The following DLG2 variants were observed in gnomAD, a reference collection of about 807,000 sequenced individuals.
DLG2 encodes the protein discs large MAGUK scaffold protein 2.
Under a neutral mutation model 132.5 loss-of-function variants are expected in DLG2, and 45 were observed. That is an observed-to-expected ratio of 0.34 (90% CI 0.27 to 0.44). The LOEUF is 0.44. Among genes scored for constraint, DLG2 ranks in the 20% least tolerant of loss-of-function variants. The pLI is 1.00. For synonymous variants in DLG2, 424 were observed against 419.6 expected (o/e 1.01, Z -0.13); for missense variants, 1,045 against 1,196.9 (o/e 0.87, Z 1.87).
At chr11:84,728,284 G>C (rs1277373488) in intron 6 of DLG2, among the ~76,000 whole-genome samples, 3 of 152,122 alleles carry the variant, frequency 2.0e-5, no homozygotes, top group East Asian at 1.9e-4. Flanking sequence ...AGTTTATTGA[G>C]AGTTTTTAGC....
chr11:84,923,648 C>T (rs780967456), intron 6 of DLG2: 181 of 947,224 alleles, frequency 1.9e-4, no homozygotes, highest in Non-Finnish European at 2.2e-4. Context: ...ATATTCCAGG[C>T]TATTCTGGTG....
intron 19 of DLG2, among the ~76,000 whole-genome samples, chr11:83,552,473 G>C (rs1270538875): frequency 6.6e-6 from 1 of 152,066 alleles, no homozygotes; most frequent in African/African-American, 2.4e-5. Flanking sequence ...TGGGATTGTA[G>C]AGCTCCTAGG....
At chr11:84,602,667 G>A (rs1265904184) in intron 6 of DLG2, among the ~76,000 whole-genome samples, 1 of 151,842 alleles carries the variant, frequency 6.6e-6, no homozygotes, top group Non-Finnish European at 1.5e-5. Context: ...TCCCTTTAAG[G>A]ATGCAGTGGG....
chr11:84,035,279 T>C (rs535675320), intron 11 of DLG2, among the ~76,000 whole-genome samples: 44 of 152,308 alleles, frequency 2.9e-4, no homozygotes, highest in Admixed American at 6.5e-4. Context: ...AGAGCTGCTT[T>C]GATTAAGTTG....
chr11:84,560,585 C>A (rs1046098970), intron 6 of DLG2, among the ~76,000 whole-genome samples: 1 of 151,962 alleles, frequency 6.6e-6, no homozygotes, highest in African/African-American at 2.4e-5. Flanking sequence ...GGAGAGGGGT[C>A]TTCTTATAAA....
chr11:84,755,278 A>T (rs1425669467), intron 6 of DLG2, among the ~76,000 whole-genome samples: 1 of 152,226 alleles, frequency 6.6e-6, no homozygotes, highest in African/African-American at 2.4e-5. Context: ...TTTTTGTAGA[A>T]TAAAAGGTAC....
chr11:85,117,302 G>A (rs564059428), intron 5 of DLG2, among the ~76,000 whole-genome samples: 5 of 152,160 alleles, frequency 3.3e-5, no homozygotes, highest in African/African-American at 9.6e-5. Context: ...TTCTGGCTGC[G>A]TTAAAATCCC....
intron 3 of DLG2, among the ~76,000 whole-genome samples, chr11:85,359,976 T>G (rs1010158440): frequency 6.6e-6 from 1 of 151,996 alleles, no homozygotes; most frequent in African/African-American, 2.4e-5. Flanking sequence ...ATGAGAAAAA[T>G]TATCAGAGAG....
chr11:84,788,274 G>T (rs1303933147), intron 6 of DLG2, among the ~76,000 whole-genome samples: 1 of 152,086 alleles, frequency 6.6e-6, no homozygotes, highest in African/African-American at 2.4e-5. Flanking sequence ...TCTGCTGAGA[G>T]AGGGTCAGAA....
rs1328674825 is a variant in DLG2, at chr11:84,058,542, C to T, written c.919+773G>A. Among the ~76,000 whole-genome samples the T allele has an allele frequency of 1.5e-4, 13 of 83,946 alleles. 1 individual carries two copies. The Admixed American group carries it at 1.6e-3, about 10-fold the overall frequency. The allele number at this position is 83,946 out of a possible 152,430, so 55.1% of individuals were successfully genotyped here. A position where few individuals can be genotyped will look rare whatever the true frequency, so the allele number is the denominator to read the frequency against. On this transcript the variant is annotated intron_variant, in intron 11 of 27. Transcript: ENST00000376104. ...ATAATAATAATAATAATAATAATAA[C>T]CACATGCACTAGTGCATGCCTGTAG... is the stretch of plus-strand genomic sequence containing the variant.
chr11:83,833,731 G>A lies in DLG2; in HGVS notation c.1605C>T (p.Gly535=). ...RKVVLHKGST[G]LGFNIVGGED... ...CCCCACCGACAATGTTGAAGCCCAG[G>A]CCAGTGGAGCCTTTGTGCAGGACTA... is the stretch of plus-strand genomic sequence containing the variant. Residue 535 remains glycine (G), a synonymous_variant, in exon 17 of 28, where the codon GGC becomes GGT. Transcript: ENST00000376104. 6.2e-7 allele frequency: 1 copy of A among 1,613,962 alleles called. No individual in the cohort carries two copies. The highest frequency in any genetic ancestry group is 8.5e-7 in the Non-Finnish European group (1 of 1,179,942).
chr11:83,553,245 A>G (rs1199435886), intron 19 of DLG2, among the ~76,000 whole-genome samples: 1 of 152,098 alleles, frequency 6.6e-6, no homozygotes, highest in African/African-American at 2.4e-5. Flanking sequence ...CAACTCTAAG[A>G]TTTTTTAAAA....
chr11:84,415,555 T>A (rs1047935100), intron 7 of DLG2, among the ~76,000 whole-genome samples: 3 of 152,126 alleles, frequency 2.0e-5, no homozygotes, highest in South Asian at 4.1e-4. Context: ...AAAGGCCAAG[T>A]TTTTTCATTA....
rs148049067 is a variant in DLG2 at position 84,398,142 on chromosome 11, C to G, written c.519+136428G>C. ...ATTCTTTTAACAAGTTGATATACAG[C>G]GCTTTGGCAACATATAACAATATTC... On this transcript the variant is annotated intron_variant, in intron 7 of 27. Transcript: ENST00000376104. 1.3e-3 allele frequency among the ~76,000 whole-genome samples: 205 copies of G among 152,276 alleles called. 1 individual carries two copies. Among genetic ancestry groups the G allele is most frequent in the African/African-American group, 4.7e-3 (196 of 41,564 alleles).
intron 8 of DLG2, chr11:84,166,870 T>C (rs913695405): frequency 1.9e-6 from 1 of 530,384 alleles, no homozygotes; most frequent in Non-Finnish European, 3.9e-6. Flanking sequence ...TATCGACATA[T>C]GATTTTCAAT....
At chr11:83,878,368 A>G (rs2154071497) in intron 15 of DLG2, among the ~76,000 whole-genome samples, 1 of 152,306 alleles carries the variant, frequency 6.6e-6, no homozygotes, top group Admixed American at 6.5e-5. Flanking sequence ...AAATTCTGCA[A>G]TAGCATCAAG....
chr11:84,683,316 C>T (rs994498198), intron 6 of DLG2, among the ~76,000 whole-genome samples: 3 of 152,178 alleles, frequency 2.0e-5, no homozygotes, highest in Admixed American at 2.0e-4. Flanking sequence ...GACTTACTCT[C>T]CTATGCCTGT....
At chr11:84,294,338 C>G (rs1381707676) in intron 7 of DLG2, among the ~76,000 whole-genome samples, 18 of 152,142 alleles carry the variant, frequency 1.2e-4, no homozygotes, top group Non-Finnish European at 2.5e-4. Context: ...GTGGCTCACA[C>G]CTGTAATCCC....
At chr11:84,442,568 A>C (rs536419808) in intron 7 of DLG2, among the ~76,000 whole-genome samples, 23 of 152,220 alleles carry the variant, frequency 1.5e-4, no homozygotes, top group African/African-American at 5.3e-4. Flanking sequence ...ATTAGGAAAA[A>C]TACCTAATGT....
Sources: gnomAD v4.1 joint callset for allele counts (sites outside exome capture counted in the v4.1 genomes callset) on GRCh38, gnomAD v4.1.1 for gene constraint, MANE v1.5 for transcripts, NCBI Gene and HGNC (gene_info 2026-07-23, HGNC 2026-07-21) for gene names.